EIF2B3: variants seen among roughly 807,000 people sequenced by gnomAD.
The protein encoded by EIF2B3 is translation initiation factor eIF2B subunit gamma.
A neutral mutation model predicts 54.1 loss-of-function variants in EIF2B3; 20 were observed. The ratio of observed to expected loss-of-function variants is 0.37; its 90% CI spans 0.26 to 0.54. The LOEUF is 0.54. EIF2B3 is among the 20% of genes least tolerant of loss of function. The probability of loss-of-function intolerance (pLI) is 0.86; values close to 1 mark genes in which losing one functional copy is unlikely to be tolerated. For missense variants in EIF2B3, 448 were observed against 547.8 expected (o/e 0.82, Z 1.82); for synonymous variants, 153 against 188.1 (o/e 0.81, Z 1.52).
In EIF2B3 at chr1:44,882,928, CTT is replaced by C. The variant is rs1003449669; in HGVS notation, c.657-1191_657-1190del. Among the ~76,000 whole-genome samples, 608 of 114,428 alleles carry C rather than the reference CTT, an allele frequency of 5.3e-3. 3 individuals carry two copies. The highest frequency in any genetic ancestry group is 0.02 in the African/African-American group (573 of 28,388). The allele number at this position is 114,428 out of a possible 152,430, so 75.1% of individuals were successfully genotyped here. On this transcript the variant is annotated intron_variant, in intron 6 of 11. Transcript: ENST00000360403. The stretch of plus-strand genomic sequence containing the variant: ...CTGTGCCTGACTTTTTTTTCTTTTT[CTT>C]TTTTTTTTTTTTTTTTTGAGATGGA...
At chr1:44,854,937 T>A (rs1654391124) in intron 11 of EIF2B3, among the ~76,000 whole-genome samples, 1 of 151,992 alleles carries the variant, frequency 6.6e-6, no homozygotes, top group African/African-American at 2.4e-5. Flanking sequence ...AACCCCTTCA[T>A]GTGAGGAAGA....
At chr1:44,887,239 C>T (rs1655619928) in intron 6 of EIF2B3, among the ~76,000 whole-genome samples, 1 of 152,190 alleles carries the variant, frequency 6.6e-6, no homozygotes, top group South Asian at 2.1e-4. Context: ...TGGCTTCTTA[C>T]ATCTGACTGG....
chr1:44,914,424 G>T (rs917589932), intron 5 of EIF2B3, among the ~76,000 whole-genome samples: 1 of 152,092 alleles, frequency 6.6e-6, no homozygotes, highest in African/African-American at 2.4e-5. Flanking sequence ...GCCTCTCAAA[G>T]TGTTGGGATT....
intron 6 of EIF2B3, among the ~76,000 whole-genome samples, chr1:44,888,864 T>C (rs1655695842): frequency 6.6e-6 from 1 of 152,254 alleles, no homozygotes; most frequent in Non-Finnish European, 1.5e-5. Context: ...ACAGGAATTC[T>C]GGGATTCATG....
intron 11 of EIF2B3, among the ~76,000 whole-genome samples, chr1:44,851,538 C>T (rs1654271829): frequency 1.3e-5 from 2 of 152,138 alleles, no homozygotes; most frequent in African/African-American, 4.8e-5. Context: ...AATAGGAGAA[C>T]TGAAACTGGG....
chr1:44,957,207 A>G (rs1205349549), intron 3 of EIF2B3, among the ~76,000 whole-genome samples: 1 of 152,216 alleles, frequency 6.6e-6, no homozygotes, highest in African/African-American at 2.4e-5. Flanking sequence ...TGGAGGCTGC[A>G]GTAAGGCGAG....
At chr1:44,889,389 C>T (rs972735633) in intron 6 of EIF2B3, among the ~76,000 whole-genome samples, 4 of 151,654 alleles carry the variant, frequency 2.6e-5, no homozygotes, top group Non-Finnish European at 5.9e-5. Context: ...TACAAAACAC[C>T]GGCCGGGTGT....
chr1:44,854,433 T>A (rs1654375977), intron 11 of EIF2B3, among the ~76,000 whole-genome samples: 3 of 151,872 alleles, frequency 2.0e-5, no homozygotes, highest in Non-Finnish European at 2.9e-5. Flanking sequence ...AAGTCAGAGT[T>A]GTTATAAAAT....
chr1:44,982,966 C>T (rs1201034679), intron 1 of EIF2B3, among the ~76,000 whole-genome samples: 8 of 152,142 alleles, frequency 5.3e-5, no homozygotes, highest in Non-Finnish European at 1.2e-4. Flanking sequence ...GACAGGGTTT[C>T]TCCACATTGG....
intron 10 of EIF2B3, among the ~76,000 whole-genome samples, chr1:44,873,838 T>C (rs1346394388): frequency 2.6e-5 from 4 of 150,956 alleles, no homozygotes; most frequent in East Asian, 1.9e-4. Flanking sequence ...TTAGTAGAGA[T>C]GGGGTTACAC....
At chr1:44,984,585 G>A (rs529481582) in intron 1 of EIF2B3, among the ~76,000 whole-genome samples, 1 of 152,206 alleles carries the variant, frequency 6.6e-6, no homozygotes, top group Non-Finnish European at 1.5e-5. Flanking sequence ...GAAGCCTGGT[G>A]GTTAGGTTCA....
intron 5 of EIF2B3, among the ~76,000 whole-genome samples, chr1:44,899,828 T>G (rs1413337577): frequency 6.6e-6 from 1 of 152,226 alleles, no homozygotes; most frequent in African/African-American, 2.4e-5. Flanking sequence ...AATCCATTAC[T>G]GGGTATATAT....
chr1:44,877,208 A>ACAAAAC (rs1416529995), intron 8 of EIF2B3, among the ~76,000 whole-genome samples: 20 of 148,382 alleles, frequency 1.3e-4, no homozygotes, highest in African/African-American at 5.0e-4. Flanking sequence ...AAAAAAAAAA[A>ACAAAAC]AAAAAAAAAA....
chr1:44,880,701 G>A (rs540764804), intron 7 of EIF2B3, among the ~76,000 whole-genome samples: 1 of 152,278 alleles, frequency 6.6e-6, no homozygotes, highest in African/African-American at 2.4e-5. Context: ...GGTGGCTCAT[G>A]CCTGTAATCC....
chr1:44,877,158 T>C (rs964651135), intron 8 of EIF2B3, among the ~76,000 whole-genome samples: 3 of 109,942 alleles, frequency 2.7e-5, no homozygotes, highest in South Asian at 3.2e-4. Flanking sequence ...CCCTGCCAAA[T>C]CCCCCTCTGC....
chr1:44,870,471 C>T (rs1381129054), intron 10 of EIF2B3, among the ~76,000 whole-genome samples: 1 of 152,162 alleles, frequency 6.6e-6, no homozygotes, highest in East Asian at 1.9e-4. Context: ...CTCCCTTACC[C>T]CACATGTCCC....
intron 3 of EIF2B3, among the ~76,000 whole-genome samples, chr1:44,963,518 C>T (rs762220218): frequency 6.6e-6 from 1 of 152,142 alleles, no homozygotes; most frequent in Non-Finnish European, 1.5e-5. Context: ...AATTCACCCG[C>T]CTCAGCCTCC....
intron 2 of EIF2B3, among the ~76,000 whole-genome samples, chr1:44,980,244 C>T (rs1288967196): frequency 6.6e-6 from 1 of 152,136 alleles, no homozygotes; most frequent in East Asian, 1.9e-4. Context: ...GTGGGCAGAT[C>T]ACGAGGTCCT....
At chr1:44,941,756 C>T (rs1644025428) in intron 3 of EIF2B3, 91 bp from the exon 4 acceptor site, 1 of 1,434,458 alleles carries the variant, frequency 7.0e-7, no homozygotes, top group African/African-American at 1.4e-5. Flanking sequence ...CTTAAAACCA[C>T]ACAAATCAGA....
Sources: gnomAD v4.1 joint callset for allele counts (sites outside exome capture counted in the v4.1 genomes callset) on GRCh38, gnomAD v4.1.1 for gene constraint, MANE v1.5 for transcripts, NCBI Gene and HGNC (gene_info 2026-07-23, HGNC 2026-07-21) for gene names.